Variants in SAMD11 observed in about 807,000 individuals in gnomAD.
SAMD11 encodes sterile alpha motif domain-containing protein 11.
Under a neutral mutation model 64.4 loss-of-function variants are expected in SAMD11, and 77 were observed. That is an observed-to-expected ratio of 1.20 (90% CI 0.99 to 1.44). SAMD11 has a LOEUF of 1.44. SAMD11 is among the 40% of genes most tolerant of loss of function. SAMD11 has a pLI of 0.00. For synonymous variants in SAMD11, 658 were observed against 421.9 expected (o/e 1.56, Z -6.86); for missense variants, 1,402 against 943.3 (o/e 1.49, Z -6.37).
chr1:935,956 G>C, intron 5 of SAMD11, 60 bp downstream of exon 5: 1 of 1,541,506 alleles, frequency 6.5e-7, no homozygotes. Flanking sequence ...GGACGGTGGC[G>C]TCTCCACTCA....
rs1461796673 is a variant in SAMD11 at position 942,261 on chromosome 1, C to T, written c.1474+10C>T. 5 of 1,145,738 alleles carry T rather than the reference C, an allele frequency of 4.4e-6. No individual in the cohort carries two copies. Among genetic ancestry groups the T allele is most frequent in the Non-Finnish European group, 3.5e-6 (3 of 863,978 alleles). The allele number at this position is 1,145,738 out of a possible 1,614,324, so 71.0% of individuals were successfully genotyped here. On this transcript the variant is annotated intron_variant, in intron 9 of 13. Transcript: ENST00000616016. Reference sequence around the variant, plus strand: ...CTGTGCCAGACCCCAGGTGAGGAGGCGGGTGCGCATCCCCTGGGAGCCCGC... The same window carrying T: ...CTGTGCCAGACCCCAGGTGAGGAGGTGGGTGCGCATCCCCTGGGAGCCCGC...
rs763680937 is a variant in SAMD11, at chr1:942,953, G to A, written c.1948G>A (p.Gly650Ser). Reference sequence around the variant, plus strand: ...TGTTGGGTGCAGGGGGCCCACTCCGGGCCAAGCTCCAGCTGGAGGGGCCGG... The same window carrying A: ...TGTTGGGTGCAGGGGGCCCACTCCGAGCCAAGCTCCAGCTGGAGGGGCCGG... Reference protein sequence around the residue: ...AAVGCRGPTPGQAPAGGAGAE... With the variant: ...AAVGCRGPTPSQAPAGGAGAE... The change falls in exon 11 of 14, where the codon GGC becomes AGC. Residue 650 changes from glycine (G) to serine (S), a missense_variant. Transcript: ENST00000616016. 2.1e-5 allele frequency: 33 copies of A among 1,547,164 alleles called. No homozygotes were observed. In the East Asian group the frequency reaches 7.2e-4, roughly 34 times the overall value.
Position 942,565 on chromosome 1 carries a change from G to A in SAMD11, c.1560G>A (p.Glu520=). ...LLRKQNLARL[E]LPADLLRQKE... is the part of the protein sequence containing the mutation. ...GCGTCTGCCCCCGGCCCAGGCTGGA[G>A]CTGCCCGCCGACCTCCTGCGGCAGA... Residue 520 remains glutamate, a synonymous_variant, in exon 11 of 14, where the codon GAG becomes GAA. Transcript: ENST00000616016. 2.1e-6 allele frequency: 3 copies of A among 1,402,500 alleles called. No individual in the cohort carries two copies. The highest frequency in any genetic ancestry group is 2.8e-6 in the Non-Finnish European group (3 of 1,087,646). 86.9% of individuals were successfully genotyped at this position (1,402,500 alleles called of 1,614,324 possible). A position where few individuals can be genotyped will look rare whatever the true frequency, so the allele number is the denominator to read the frequency against.
intron 5 of SAMD11, among the ~76,000 whole-genome samples, chr1:936,342 A>AGGGCTCCTGGACGGAG (rs1641446530): frequency 8.2e-6 from 1 of 121,316 alleles, no homozygotes; most frequent in African/African-American, 4.5e-5. Context: ...CCTGGACGGA[A>AGGGCTCCTGGACGGAG]GGGGTCCCCG....
intron 5 of SAMD11, among the ~76,000 whole-genome samples, chr1:937,529 G>A (rs1459202350): frequency 2.0e-5 from 3 of 152,178 alleles, no homozygotes; most frequent in African/African-American, 7.2e-5. Context: ...CTAACCCTGA[G>A]GGCATGTGCA....
intron 12 of SAMD11, 54 bp from the exon 13 acceptor site, chr1:943,644 G>A: frequency 6.8e-7 from 1 of 1,465,284 alleles, no homozygotes. Flanking sequence ...GCTCTGCTGG[G>A]CTGGAGGATG....
In SAMD11 at chr1:942,226, GC is replaced by G; in HGVS notation, c.1452del (p.Ser485ArgfsTer79). ...PHLRPPFLGVPSALCQTPGYG... is the reference protein window; with the variant it reads ...PHLRPPFLGVXSALCQTPGYG... ...ATCTCAGGCCCCCCTTCCTGGGGGTGCCCTCGGCTCTGTGCCAGACCCCAGG... is the reference window on the plus strand; with the variant it reads ...ATCTCAGGCCCCCCTTCCTGGGGGTGCCTCGGCTCTGTGCCAGACCCCAGG... On this transcript the variant is annotated frameshift_variant, in exon 9 of 14. Transcript: ENST00000616016. LOFTEE classifies it high-confidence loss of function. The G allele has an allele frequency of 7.4e-7, 1 of 1,351,852 alleles. No individual in the cohort carries two copies. The highest frequency in any genetic ancestry group is 9.6e-7 in the Non-Finnish European group (1 of 1,044,370). 83.7% of individuals were successfully genotyped at this position (1,351,852 alleles called of 1,614,324 possible). A position where few individuals can be genotyped will look rare whatever the true frequency, so the allele number is the denominator to read the frequency against.
At chr1:932,250 C>A (rs944928421) in intron 4 of SAMD11, among the ~76,000 whole-genome samples, 2 of 152,148 alleles carry the variant, frequency 1.3e-5, no homozygotes, top group African/African-American at 4.8e-5. Flanking sequence ...GTAGGGAAAC[C>A]CAGCCGCGGT....
At chr1:927,159 A>G (rs1480858224) in intron 2 of SAMD11, among the ~76,000 whole-genome samples, 1 of 152,146 alleles carries the variant, frequency 6.6e-6, no homozygotes, top group Non-Finnish European at 1.5e-5. Flanking sequence ...CAGGCAGCTC[A>G]CAGAGTTCCC....
In SAMD11 at chr1:935,868, C is replaced by T; in HGVS notation, c.939C>T (p.Gly313=). ...EHQSRCEFQR[G]SLEIGLRPAG... ...AGAGCCGCTGTGAATTCCAGAGAGGCAGCCTGGAGATTGGCCTGCGACCCG... is the reference window on the plus strand; with the variant it reads ...AGAGCCGCTGTGAATTCCAGAGAGGTAGCCTGGAGATTGGCCTGCGACCCG... Residue 313 remains glycine, a synonymous_variant, in exon 5 of 14, where the codon GGC becomes GGT. Transcript: ENST00000616016. 2.5e-6 allele frequency: 4 copies of T among 1,613,044 alleles called. No homozygotes were observed. Among genetic ancestry groups the T allele is most frequent in the Non-Finnish European group, 3.4e-6 (4 of 1,179,828 alleles).
chr1:934,021 G>GCTC (rs1238068123), intron 4 of SAMD11, among the ~76,000 whole-genome samples: 4 of 56,786 alleles, frequency 7.0e-5, no homozygotes, highest in African/African-American at 3.2e-4. Flanking sequence ...GGAGGCGGCT[G>GCTC]CGTTACAGGT....
In SAMD11 at chr1:942,234, C is replaced by A; in HGVS notation, c.1457C>A (p.Ala486Asp). ...CCCCCCTTCCTGGGGGTGCCCTCGG[C>A]TCTGTGCCAGACCCCAGGTGAGGAG... ...LRPPFLGVPS[A>D]LCQTPGYGFL... The change falls in exon 9 of 14, where the codon GCT (alanine) becomes GAT (aspartate). Residue 486 changes from alanine (A) to aspartate (D), a missense_variant. Transcript: ENST00000616016. 2 of 1,341,212 alleles carry A rather than the reference C, an allele frequency of 1.5e-6. No homozygotes were observed. The highest frequency in any genetic ancestry group is 1.9e-6 in the Non-Finnish European group (2 of 1,034,568). The allele number at this position is 1,341,212 out of a possible 1,614,324, so 83.1% of individuals were successfully genotyped here. A position where few individuals can be genotyped will look rare whatever the true frequency, so the allele number is the denominator to read the frequency against.
chr1:939,780 G>A (rs1326501722), intron 7 of SAMD11, among the ~76,000 whole-genome samples: 3 of 42,510 alleles, frequency 7.1e-5, no homozygotes. Flanking sequence ...CGTCTATGCA[G>A]CCAGTGGACG....
chr1:943,730 C>G lies in SAMD11; in HGVS notation c.2211C>G (p.Thr737=). 2 of 1,602,718 alleles carry G rather than the reference C, an allele frequency of 1.2e-6. No homozygotes were observed. Among genetic ancestry groups the G allele is most frequent in the Non-Finnish European group, 1.7e-6 (2 of 1,173,668 alleles). The change falls in exon 13 of 14, where the codon ACC becomes ACG. Residue 737 remains threonine, a synonymous_variant. Coordinates refer to ENST00000616016, the MANE Select transcript of SAMD11 (RefSeq NM_001385641.1). The stretch of plus-strand genomic sequence containing the variant: ...GGGAGCAGGGGATCGACGGGGAGAC[C>G]CTGCCACTGCTGACGGAGGAGCACC... The part of the protein sequence containing the change: ...VFREQGIDGE[T]LPLLTEEHLL...
At chr1:926,129 G>A in intron 2 of SAMD11, 116 bp downstream of exon 2, 1 of 1,001,942 alleles carries the variant, frequency 1.0e-6, no homozygotes, top group Non-Finnish European at 1.5e-6. Flanking sequence ...GGGTGTGCTG[G>A]AGGGAGCCTC....
chr1:931,138 C>CTCCT (rs1410464747), intron 4 of SAMD11, 49 bp downstream of exon 4: 2 of 1,534,336 alleles, frequency 1.3e-6, no homozygotes, highest in Non-Finnish European at 1.8e-6. Flanking sequence ...ACTCCCCTCC[C>CTCCT]TCCCTCCCAC....
intron 7 of SAMD11, chr1:940,608 G>GGGCGAGTGT (rs1162731616): frequency 1.3e-5 from 2 of 152,444 alleles, no homozygotes; most frequent in African/African-American, 4.8e-5. Flanking sequence ...GTGCGCATTG[G>GGGCGAGTGT]GGCGAGTGTG....
rs146327803 is a variant in SAMD11, at chr1:930,245, G to A, written c.700G>A (p.Asp234Asn). The A allele has an allele frequency of 2.8e-4, 452 of 1,603,790 alleles. 2 individuals are homozygous for A. In the African/African-American group the frequency reaches 5.2e-3, roughly 19 times the overall value. Residue 234 changes from aspartate to asparagine, a missense_variant, in exon 3 of 14, where the codon GAT becomes AAT. Coordinates refer to ENST00000616016, the MANE Select transcript of SAMD11 (RefSeq NM_001385641.1). Reference protein sequence around the residue: ...KERTPSFSASDGDSDGSGPTC... With the variant: ...KERTPSFSASNGDSDGSGPTC... ...GCGAACTCCCAGCTTCTCTGCCAGC[G>A]ATGGTGACAGCGACGGGAGTGGCCC...
At position 942,797 on chromosome 1, in the gene SAMD11, G is replaced by T; in HGVS notation, c.1792G>T (p.Gly598Trp). 1 of 1,543,272 alleles carries T rather than the reference G, an allele frequency of 6.5e-7. No individual in the cohort carries two copies. The highest frequency in any genetic ancestry group is 8.7e-7 in the Non-Finnish European group (1 of 1,144,616). The stretch of plus-strand genomic sequence containing the variant: ...CTCTGCCCGGCGAGCCCCCCGGAAG[G>T]GGGGTCCCGGCCCTGCCTCAGCGCG... ...RDSARRAPRKGGPGPASARPS... is the reference protein window; with the variant it reads ...RDSARRAPRKWGPGPASARPS... Residue 598 changes from glycine (G) to tryptophan (W), a missense_variant, in exon 11 of 14, where the codon GGG becomes TGG. Gly to Trp is a radical substitution (Grantham distance 184). Coordinates refer to ENST00000616016, the MANE Select transcript of SAMD11 (RefSeq NM_001385641.1).
Sources: allele counts gnomAD v4.1 joint callset (sites outside exome capture counted in the v4.1 genomes callset), GRCh38; gene constraint gnomAD v4.1.1; transcripts MANE v1.5; gene names NCBI Gene and HGNC (gene_info 2026-07-23, HGNC 2026-07-21).